The following OPCML variants were observed in gnomAD, a reference collection of about 807,000 sequenced individuals.
The protein encoded by OPCML is opioid-binding protein/cell adhesion molecule.
OPCML carries 13 observed loss-of-function variants against 37.8 expected under a neutral mutation model. That is an observed-to-expected ratio of 0.34 (90% CI 0.22 to 0.55). The LOEUF is 0.55. Among genes scored for constraint, OPCML ranks in the 20% least tolerant of loss-of-function variants. OPCML has a pLI of 0.91. For synonymous variants in OPCML, 176 were observed against 168.8 expected (o/e 1.04, Z -0.33); for missense variants, 341 against 435.6 (o/e 0.78, Z 1.93).
chr11:132,588,848 A>G (rs1302755599), intron 3 of OPCML, among the ~76,000 whole-genome samples: 1 of 152,188 alleles, frequency 6.6e-6, no homozygotes. Flanking sequence ...CTGTACAGAT[A>G]TATCTCCCAG....
At chr11:132,975,369 G>GA (rs1946435413) in intron 1 of OPCML, among the ~76,000 whole-genome samples, 1 of 149,928 alleles carries the variant, frequency 6.7e-6, no homozygotes, top group African/African-American at 2.4e-5. Flanking sequence ...AGTTTTGGAG[G>GA]AAAAAATGCC....
chr11:133,291,815 A>G (rs537290409), intron 1 of OPCML, among the ~76,000 whole-genome samples: 6 of 152,290 alleles, frequency 3.9e-5, no homozygotes, highest in East Asian at 1.9e-4. Context: ...AATCTTCACA[A>G]AAAAGTTCAG....
At chr11:133,139,839 G>A (rs1228974677) in intron 1 of OPCML, among the ~76,000 whole-genome samples, 3 of 152,144 alleles carry the variant, frequency 2.0e-5, no homozygotes, top group South Asian at 2.1e-4. Flanking sequence ...GAGAACAAAT[G>A]TAATTTTCCT....
Position 133,068,390 on chromosome 11 carries a change from G to A in OPCML, c.62-125380C>T, listed in dbSNP as rs185313023. On this transcript the variant is annotated intron_variant, in intron 1 of 7. Transcript: ENST00000524381. Reference sequence around the variant, plus strand: ...CATATGGGAGATTTCTGCCAGCAGAGGTCTATGCCCAAATGGTAAAGGGGA... The same window carrying A: ...CATATGGGAGATTTCTGCCAGCAGAAGTCTATGCCCAAATGGTAAAGGGGA... Among the ~76,000 whole-genome samples the A allele has an allele frequency of 8.0e-4, 122 of 152,288 alleles. 1 individual carries two copies. The highest frequency in any genetic ancestry group is 1.4e-3 in the Admixed American group (21 of 15,308).
intron 2 of OPCML, among the ~76,000 whole-genome samples, chr11:132,832,227 T>G (rs1368948502): frequency 4.0e-5 from 5 of 124,370 alleles, no homozygotes; most frequent in Non-Finnish European, 6.6e-5. Flanking sequence ...CCTCTTTTTT[T>G]TTTTTTGCTT....
At chr11:132,871,363 C>T (rs1403077711) in intron 2 of OPCML, among the ~76,000 whole-genome samples, 1 of 152,136 alleles carries the variant, frequency 6.6e-6, no homozygotes, top group Non-Finnish European at 1.5e-5. Flanking sequence ...TGTACAAATA[C>T]TATTATCATC....
At chr11:132,561,299 G>T (rs543125562) in intron 3 of OPCML, among the ~76,000 whole-genome samples, 1 of 152,328 alleles carries the variant, frequency 6.6e-6, no homozygotes, top group South Asian at 2.1e-4. Context: ...ACATTGATGA[G>T]AAAGCCCTAT....
chr11:133,393,180 C>T (rs1041487855), intron 1 of OPCML, among the ~76,000 whole-genome samples: 1 of 152,046 alleles, frequency 6.6e-6, no homozygotes, highest in Non-Finnish European at 1.5e-5. Context: ...GTTAGAGAAG[C>T]TACATTCAGG....
chr11:132,794,927 G>T (rs1170168130), intron 2 of OPCML, among the ~76,000 whole-genome samples: 1 of 146,772 alleles, frequency 6.8e-6, no homozygotes, highest in African/African-American at 2.5e-5. Flanking sequence ...AACTATAAAA[G>T]ATATGTACAG....
intron 4 of OPCML, among the ~76,000 whole-genome samples, chr11:132,498,356 T>C (rs188554726): frequency 1.3e-5 from 2 of 152,348 alleles, no homozygotes; most frequent in East Asian, 3.9e-4. Flanking sequence ...CTAGTATATT[T>C]CCATAGGTTT....
chr11:132,477,134 C>T (rs1349241127), intron 4 of OPCML, among the ~76,000 whole-genome samples: 1 of 152,136 alleles, frequency 6.6e-6, no homozygotes, highest in Non-Finnish European at 1.5e-5. Context: ...CCACAGATAA[C>T]AGAGTGCAAC....
In OPCML at chr11:133,436,932, G is replaced by C. The variant is rs574999053; in HGVS notation, c.61+95332C>G. ...CACTCATGGCTACATTTTTGTTCTT[G>C]TTTTATGTCAGATGGGTAATGTGCC... On this transcript the variant is annotated intron_variant, in intron 1 of 7. Coordinates refer to ENST00000524381, the MANE Select transcript of OPCML (RefSeq NM_001012393.5). Among the ~76,000 whole-genome samples the C allele has an allele frequency of 5.3e-5, 8 of 152,208 alleles. No individual in the cohort carries two copies. In the East Asian group the frequency reaches 1.5e-3, roughly 29 times the overall value.
chr11:132,444,709 C>T (rs930185145), intron 4 of OPCML, among the ~76,000 whole-genome samples: 1 of 152,142 alleles, frequency 6.6e-6, no homozygotes, highest in Non-Finnish European at 1.5e-5. Context: ...CTCTGCCCCA[C>T]ATTTTCTGTC....
chr11:133,422,395 G>GCGCATATATA lies in OPCML; in HGVS notation c.61+109868_61+109869insTATATATGCG, dbSNP rs1945909901. 18 of 802,446 alleles carry GCGCATATATA rather than the reference G, an allele frequency of 2.2e-5. 1 individual carries two copies. The highest frequency in any genetic ancestry group is 2.5e-5 in the Non-Finnish European group (17 of 691,132). 49.7% of individuals were successfully genotyped at this position (802,446 alleles called of 1,614,324 possible). ...AAAGACATTATATATATATATATAT[G>GCGCATATATA]TATATATGCGCCAGTTCAAACCCTT... On this transcript the variant is annotated intron_variant, in intron 1 of 7. Coordinates refer to ENST00000524381, the MANE Select transcript of OPCML (RefSeq NM_001012393.5).
chr11:133,266,139 G>A (rs1592152017), intron 1 of OPCML, among the ~76,000 whole-genome samples: 1 of 152,162 alleles, frequency 6.6e-6, no homozygotes, highest in Non-Finnish European at 1.5e-5. Context: ...AACCTGTTTT[G>A]TTAAAGAAAT....
In OPCML at chr11:133,212,801, C is replaced by T. The variant is rs147683319; in HGVS notation, c.62-269791G>A. On this transcript the variant is annotated intron_variant, in intron 1 of 7. Coordinates refer to ENST00000524381, the MANE Select transcript of OPCML (RefSeq NM_001012393.5). The surrounding 1 kb of genome is among the most constrained non-coding windows in gnomAD (Gnocchi z 4.9). ...GACCCCTTGGGACCCAACCTGGCCC[C>T]CTAGCTGTTGAGAGGTAAGAGTGAA... Among the ~76,000 whole-genome samples, 1 of 152,310 alleles carries T rather than the reference C, an allele frequency of 6.6e-6. No individual in the cohort carries two copies. The highest frequency in any genetic ancestry group is 1.9e-4 in the East Asian group (1 of 5,186).
chr11:132,498,465 A>T (rs887021892), intron 4 of OPCML, among the ~76,000 whole-genome samples: 1 of 152,254 alleles, frequency 6.6e-6, no homozygotes, highest in Non-Finnish European at 1.5e-5. Flanking sequence ...ATGCAGCTAC[A>T]GGTTCAGTAT....
chr11:132,722,715 C>T (rs1045364821), intron 2 of OPCML, among the ~76,000 whole-genome samples: 1 of 152,006 alleles, frequency 6.6e-6, no homozygotes, highest in Non-Finnish European at 1.5e-5. Flanking sequence ...GAGGGAGACC[C>T]GTGGGTCAAC....
At chr11:133,512,475 T>C (rs1433103183) in intron 1 of OPCML, among the ~76,000 whole-genome samples, 1 of 152,202 alleles carries the variant, frequency 6.6e-6, no homozygotes, top group African/African-American at 2.4e-5. Context: ...CTGAATCCTG[T>C]CCTTTGGCTT....
Sources: allele counts gnomAD v4.1 joint callset (sites outside exome capture counted in the v4.1 genomes callset), GRCh38; gene constraint gnomAD v4.1.1; non-coding constraint Gnocchi (gnomAD v3.1); transcripts MANE v1.5; gene names NCBI Gene and HGNC (gene_info 2026-07-23, HGNC 2026-07-21).